Variants in KAT6A observed in about 807,000 individuals in gnomAD.
KAT6A encodes the protein histone acetyltransferase KAT6A.
KAT6A carries 9 observed loss-of-function variants against 198.4 expected under a neutral mutation model. The observed-to-expected ratio is 0.05, with a 90% CI of 0.03 to 0.08. KAT6A has a LOEUF of 0.08. KAT6A is among the 10% of genes least tolerant of loss of function. KAT6A has a pLI of 1.00. For synonymous variants in KAT6A, 890 were observed against 883.0 expected, an observed-to-expected ratio of 1.01 and a Z score of -0.14; for missense variants, 2,077 against 2,509.9, an observed-to-expected ratio of 0.83 and a Z score of 3.69.
intron 11 of KAT6A, 116 bp from the exon 12 acceptor site, chr8:41,946,800 G>T: frequency 1.5e-6 from 1 of 645,236 alleles, no homozygotes; most frequent in Non-Finnish European, 2.8e-6. Flanking sequence ...TTTGGGAATA[G>T]CAACGTACAT....
chr8:41,975,398 A>C (rs1046135356), intron 7 of KAT6A, among the ~76,000 whole-genome samples: 4 of 152,148 alleles, frequency 2.6e-5, no homozygotes, highest in African/African-American at 9.7e-5. Flanking sequence ...TTGGCAAAAA[A>C]CTAGTGAAGA....
chr8:41,944,525 C>T (rs2150863913), intron 12 of KAT6A, among the ~76,000 whole-genome samples: 1 of 152,204 alleles, frequency 6.6e-6, no homozygotes, highest in East Asian at 1.9e-4. Flanking sequence ...CTCTATAGTG[C>T]ACAACTCTCA....
intron 2 of KAT6A, among the ~76,000 whole-genome samples, chr8:41,987,861 G>A (rs1824702707): frequency 6.6e-6 from 1 of 152,094 alleles, no homozygotes; most frequent in African/African-American, 2.4e-5. Context: ...CCTTAAGATT[G>A]AAAAATTCAA....
intron 8 of KAT6A, among the ~76,000 whole-genome samples, chr8:41,973,510 G>A (rs144590330): frequency 5.9e-5 from 9 of 152,176 alleles, no homozygotes; most frequent in Admixed American, 1.3e-4. Context: ...GTGAGCCACC[G>A]TGCCCAGCCT....
intron 2 of KAT6A, among the ~76,000 whole-genome samples, chr8:42,018,688 C>T (rs1180003400): frequency 1.3e-5 from 2 of 151,926 alleles, no homozygotes; most frequent in South Asian, 2.1e-4. Context: ...TTTGAGAGGC[C>T]GAGGTGGATG....
chr8:41,963,224 T>C (rs1430581536), intron 8 of KAT6A, among the ~76,000 whole-genome samples: 1 of 152,194 alleles, frequency 6.6e-6, no homozygotes, highest in African/African-American at 2.4e-5. Context: ...AAATATTATC[T>C]TTGATAAAAA....
intron 2 of KAT6A, among the ~76,000 whole-genome samples, chr8:42,008,558 C>T (rs1825858410): frequency 1.3e-5 from 2 of 152,158 alleles, no homozygotes; most frequent in Middle Eastern, 3.4e-3. Flanking sequence ...AGGCTGGTCT[C>T]GAACTCCTGA....
intron 16 of KAT6A, among the ~76,000 whole-genome samples, chr8:41,936,141 A>G (rs1339231686): frequency 6.6e-6 from 1 of 152,124 alleles, no homozygotes; most frequent in Non-Finnish European, 1.5e-5. Flanking sequence ...GTGCACCTAT[A>G]ATCCCAACTA....
intron 10 of KAT6A, among the ~76,000 whole-genome samples, chr8:41,948,981 TA>T (rs1468744417): frequency 6.6e-6 from 1 of 152,226 alleles, no homozygotes; most frequent in Non-Finnish European, 1.5e-5. Flanking sequence ...AAATAAGTGA[TA>T]GAAATCCTTT....
At chr8:42,032,956 G>T (rs7821579) in intron 2 of KAT6A, among the ~76,000 whole-genome samples, 107,354 of 147,662 alleles carry the variant, frequency 0.73, 39,991 homozygotes, top group African/African-American at 0.92. Flanking sequence ...CTCAGCTCAC[G>T]GCAAACTCTG....
chr8:41,933,891 G>A lies in KAT6A; in HGVS notation c.4329C>T (p.Tyr1443=), dbSNP rs1225046967. The A allele has an allele frequency of 1.9e-6, 3 of 1,614,186 alleles. No individual in the cohort carries two copies. In the Admixed American group the frequency reaches 5.0e-5, roughly 27 times the overall value. ...QEESSEHEGA[Y]QDCEETLAAC... ...CCGCAAGAGTTTCCTCACAGTCCTG[G>A]TAGGCGCCCTCATGCTCACTGCTTT... Residue 1443 remains tyrosine (Y), a synonymous_variant, in exon 17 of 17, where the codon TAC becomes TAT. Transcript: ENST00000265713. This position sits in a 1 kb window ranked among gnomAD's most constrained non-coding sequence, Gnocchi z 6.2.
chr8:42,004,376 A>C (rs997755153), intron 2 of KAT6A, among the ~76,000 whole-genome samples: 2 of 152,228 alleles, frequency 1.3e-5, no homozygotes, highest in African/African-American at 4.8e-5. Flanking sequence ...AACTACATAA[A>C]GCTTTAGTAA....
chr8:41,960,039 G>C (rs1355526141), intron 8 of KAT6A, among the ~76,000 whole-genome samples: 1 of 150,140 alleles, frequency 6.7e-6, no homozygotes, highest in Non-Finnish European at 1.5e-5. Flanking sequence ...TATGCTAAGT[G>C]AAACAGCCAG....
At chr8:41,976,406 T>G (rs1363504924) in intron 7 of KAT6A, among the ~76,000 whole-genome samples, 1 of 152,236 alleles carries the variant, frequency 6.6e-6, no homozygotes, top group Admixed American at 6.5e-5. Flanking sequence ...TGCCACATTA[T>G]TAAGTCCTCT....
intron 2 of KAT6A, among the ~76,000 whole-genome samples, chr8:42,043,229 G>A (rs1490473257): frequency 1.3e-5 from 2 of 152,022 alleles, no homozygotes; most frequent in Non-Finnish European, 2.9e-5. Context: ...GAAGTAAATG[G>A]AACAAATTAC....
At chr8:42,019,464 GCTCA>G (rs1442771105) in intron 2 of KAT6A, among the ~76,000 whole-genome samples, 2 of 152,102 alleles carry the variant, frequency 1.3e-5, no homozygotes, top group Non-Finnish European at 2.9e-5. Context: ...TCTATAGAAG[GCTCA>G]CTATTTTCTA....
Position 41,933,597 on chromosome 8 carries a change from G to C in KAT6A, c.4623C>G (p.His1541Gln). The C allele has an allele frequency of 6.2e-7, 1 of 1,614,194 alleles. No individual in the cohort carries two copies. The highest frequency in any genetic ancestry group is 1.1e-5 in the South Asian group (1 of 91,086). Residue 1541 changes from histidine to glutamine, a missense_variant, in exon 17 of 17, where the codon CAC (histidine) becomes CAG (glutamine). By Grantham distance (24) the His-to-Gln change is conservative. Coordinates refer to ENST00000265713, the MANE Select transcript of KAT6A (RefSeq NM_006766.5). This position sits in a 1 kb window ranked among gnomAD's most constrained non-coding sequence, Gnocchi z 6.2. ...PMMDVPSVSDHSQQVVDSGFS... is the reference protein window; with the variant it reads ...PMMDVPSVSDQSQQVVDSGFS... ...AGCCGCTGTCCACCACCTGCTGAGAGTGGTCTGATACGGAAGGCACATCCA... is the reference window on the plus strand; with the variant it reads ...AGCCGCTGTCCACCACCTGCTGAGACTGGTCTGATACGGAAGGCACATCCA...
chr8:42,006,954 CCACTG>C (rs1825779881), intron 2 of KAT6A, among the ~76,000 whole-genome samples: 1 of 146,094 alleles, frequency 6.8e-6, no homozygotes, highest in South Asian at 2.2e-4. Context: ...CAAGATCATG[CCACTG>C]CACTCCAGCC....
chr8:41,979,041 G>C (rs1009550916), intron 5 of KAT6A, among the ~76,000 whole-genome samples: 2 of 152,202 alleles, frequency 1.3e-5, no homozygotes, highest in South Asian at 2.1e-4. Context: ...GCTGAGGCGG[G>C]TGGATCACCT....
Sources: allele counts gnomAD v4.1 joint callset (sites outside exome capture counted in the v4.1 genomes callset), GRCh38; gene constraint gnomAD v4.1.1; non-coding constraint Gnocchi (gnomAD v3.1); transcripts MANE v1.5; gene names NCBI Gene and HGNC (gene_info 2026-07-23, HGNC 2026-07-21).